CLN3: variants seen among roughly 807,000 people sequenced by gnomAD.
CLN3 encodes the protein battenin.
CLN3 carries 49 observed loss-of-function variants against 60.7 expected under a neutral mutation model. That is an observed-to-expected ratio of 0.81 (90% CI 0.64 to 1.02). The LOEUF is 1.02. CLN3 is among the 50% of genes least tolerant of loss of function. The pLI is 0.00. For missense variants in CLN3, 516 were observed against 557.4 expected (o/e 0.93, Z 0.75); for synonymous variants, 256 against 245.8 (o/e 1.04, Z -0.39).
At chr16:28,479,051 T>A (rs537308777) in intron 14 of CLN3, among the ~76,000 whole-genome samples, 1 of 152,196 alleles carries the variant, frequency 6.6e-6, no homozygotes, top group Non-Finnish European at 1.5e-5. Context: ...GCCTCTTCGA[T>A]CCCCACCCCA....
chr16:28,473,088 G>A (rs1326110746), downstream of CLN3, among the ~76,000 whole-genome samples: 1 of 151,886 alleles, frequency 6.6e-6, no homozygotes, highest in Non-Finnish European at 1.5e-5. Context: ...CAGGCACGCA[G>A]CACTACACCT....
At chr16:28,487,955 T>C (rs1203002620) in intron 5 of CLN3, 1 of 579,076 alleles carries the variant, frequency 1.7e-6, no homozygotes, top group Non-Finnish European at 3.1e-6. Flanking sequence ...ATCTGGAAAA[T>C]GGGAATATCA....
Position 28,487,427 on chromosome 16 carries a change from C to T in CLN3, c.460+29G>A, listed in dbSNP as rs764139018. The T allele has an allele frequency of 2.5e-6, 4 of 1,575,730 alleles. No individual in the cohort carries two copies. The East Asian group carries it at 6.7e-5, about 26-fold the overall frequency. ...TGCTCTGATGTGGTTCCTCGGGGCT[C>T]CCCATCTGACACAGAACCACACACT... is the stretch of plus-strand genomic sequence containing the variant. On this transcript the variant is annotated intron_variant, in intron 7 of 15. Transcript: ENST00000636147.
At chr16:28,472,971 C>T (rs967135165), downstream of CLN3, among the ~76,000 whole-genome samples, 5 of 151,556 alleles carry the variant, frequency 3.3e-5, no homozygotes, top group Admixed American at 6.6e-5. Context: ...TAGGGTCTTG[C>T]TCTGTGCCCA....
chr16:28,482,206 T>C lies in CLN3; in HGVS notation c.963-8A>G, dbSNP rs1596556537. 2 of 1,611,498 alleles carry C rather than the reference T, an allele frequency of 1.2e-6. No individual in the cohort carries two copies. The highest frequency in any genetic ancestry group is 1.1e-5 in the South Asian group (1 of 90,714). On this transcript the variant is annotated splice_polypyrimidine_tract_variant and splice_region_variant and intron_variant, in intron 13 of 15. Coordinates refer to ENST00000636147, the MANE Select transcript of CLN3 (RefSeq NM_001042432.2). Reference sequence around the variant, plus strand: ...TGGTACAGCATCTGGTACCTGAGGTTAGGGTTGGGGGGAGGAGAGGAGGCT... The same window carrying C: ...TGGTACAGCATCTGGTACCTGAGGTCAGGGTTGGGGGGAGGAGAGGAGGCT...
downstream of CLN3, chr16:28,475,371 T>C (rs2045982708): frequency 6.6e-6 from 1 of 152,304 alleles, no homozygotes; most frequent in Non-Finnish European, 1.5e-5. Context: ...AGAGCTGATG[T>C]TTATTGAGTG....
the CLN3 span, among the ~76,000 whole-genome samples, chr16:28,468,820 A>T: frequency 1.1e-5 from 1 of 92,096 alleles, no homozygotes; most frequent in African/African-American, 3.5e-5. Context: ...AAAAAAAAAA[A>T]AAAAAAAAAA....
rs769259414 is a variant in CLN3, at chr16:28,482,212, TG to T, written c.963-15del. 1.2e-6 allele frequency: 2 copies of T among 1,610,286 alleles called. No individual in the cohort carries two copies. The highest frequency in any genetic ancestry group is 1.7e-6 in the Non-Finnish European group (2 of 1,178,342). The stretch of plus-strand genomic sequence containing the variant: ...AGCATCTGGTACCTGAGGTTAGGGT[TG>T]GGGGGAGGAGAGGAGGCTCCTCCAG... On this transcript the variant is annotated splice_polypyrimidine_tract_variant and intron_variant, in intron 13 of 15. Coordinates refer to ENST00000636147, the MANE Select transcript of CLN3 (RefSeq NM_001042432.2).
downstream of CLN3, among the ~76,000 whole-genome samples, chr16:28,472,709 G>A (rs2045960715): frequency 6.6e-6 from 1 of 150,674 alleles, no homozygotes; most frequent in Admixed American, 6.6e-5. Flanking sequence ...GGGTGTGGTG[G>A]CACACCCTTG....
In CLN3 at chr16:28,478,286, C is replaced by T. The variant is rs1475810541; in HGVS notation, c.1057-409G>A. 5.7e-5 allele frequency among the ~76,000 whole-genome samples: 8 copies of T among 141,158 alleles called. No individual in the cohort carries two copies. In the East Asian group the frequency reaches 1.5e-3, roughly 26 times the overall value. The allele number at this position is 141,158 out of a possible 152,430, so 92.6% of individuals were successfully genotyped here. ...CAGCACTGCACTCCAGCCTGGGCAA[C>T]AGAGAGAGACTCCATCCCAAAAAAA... On this transcript the variant is annotated intron_variant, in intron 14 of 15. Transcript: ENST00000636147.
chr16:28,478,802 T>A (rs150094443), intron 14 of CLN3, among the ~76,000 whole-genome samples: 1 of 152,104 alleles, frequency 6.6e-6, no homozygotes, highest in Non-Finnish European at 1.5e-5. Flanking sequence ...TAGATGCCCA[T>A]AGCATCCCTC....
chr16:28,484,212 C>T (rs1384575611), intron 9 of CLN3, 94 bp from the exon 10 acceptor site: 12 of 844,004 alleles, frequency 1.4e-5, no homozygotes, highest in Non-Finnish European at 2.2e-5. Flanking sequence ...AACACCTCTA[C>T]CTTTGAACAC....
At chr16:28,474,457 C>T (rs1022037013), downstream of CLN3, among the ~76,000 whole-genome samples, 4 of 151,378 alleles carry the variant, frequency 2.6e-5, no homozygotes, top group Admixed American at 2.6e-4. Flanking sequence ...GAGACTGTCT[C>T]AAAAATAAAA....
In CLN3 at chr16:28,486,330, G is replaced by A. The variant is rs758724606; in HGVS notation, c.677+17C>T. On this transcript the variant is annotated intron_variant, in intron 9 of 15. Coordinates refer to ENST00000636147, the MANE Select transcript of CLN3 (RefSeq NM_001042432.2). ...CTCTCCTTGGACCCCTCTCCCTCCC[G>A]GCTCAGGGCAGCTCACCTGGCCAGC... The A allele has an allele frequency of 3.8e-5, 61 of 1,611,406 alleles. No individual in the cohort carries two copies. In the South Asian group the frequency reaches 5.3e-4, roughly 14 times the overall value.
chr16:28,474,275 A>T (rs2045974268), downstream of CLN3: 1 of 152,266 alleles, frequency 6.6e-6, no homozygotes, highest in Non-Finnish European at 1.5e-5. Context: ...GAAAAAACAA[A>T]ACAAAACAAA....
chr16:28,488,072 A>G, intron 5 of CLN3: 1 of 271,884 alleles, frequency 3.7e-6, no homozygotes, highest in Non-Finnish European at 7.2e-6. Context: ...AGTGAGTCTC[A>G]TTCTGCCACC....
At chr16:28,479,165 G>A (rs1222005569) in intron 14 of CLN3, among the ~76,000 whole-genome samples, 2 of 152,186 alleles carry the variant, frequency 1.3e-5, no homozygotes, top group Non-Finnish European at 1.5e-5. Context: ...GCCTCCTCGT[G>A]GCGGTTCATA....
chr16:28,478,526 G>A (rs906623881), intron 14 of CLN3, among the ~76,000 whole-genome samples: 1 of 149,694 alleles, frequency 6.7e-6, no homozygotes, highest in African/African-American at 2.5e-5. Context: ...TGAGACAGGA[G>A]GATTGCTTGA....
At chr16:28,489,517 T>C in intron 3 of CLN3, 131 bp from the exon 4 acceptor site, 1 of 720,122 alleles carries the variant, frequency 1.4e-6, no homozygotes, top group South Asian at 1.5e-5. Context: ...CCAGATCCCA[T>C]CCTCATTCAA....
Sources: allele counts gnomAD v4.1 joint callset (sites outside exome capture counted in the v4.1 genomes callset), GRCh38; gene constraint gnomAD v4.1.1; transcripts MANE v1.5; gene names NCBI Gene and HGNC (gene_info 2026-07-23, HGNC 2026-07-21).